DMXL2: variants seen among roughly 807,000 people sequenced by gnomAD.
DMXL2 encodes the protein dmX-like protein 2.
A neutral mutation model predicts 331.1 loss-of-function variants in DMXL2; 103 were observed. That is an observed-to-expected ratio of 0.31 (90% CI 0.27 to 0.37). The LOEUF (loss-of-function observed/expected upper bound fraction) is 0.37, where lower values mean the gene tolerates loss of function less well. DMXL2 is among the 10% of genes least tolerant of loss of function. DMXL2 has a pLI of 1.00. For synonymous variants in DMXL2, 1,281 were observed against 1,252.1 expected, an observed-to-expected ratio of 1.02 and a Z score of -0.49; for missense variants, 3,171 against 3,642.9, an observed-to-expected ratio of 0.87 and a Z score of 3.33.
At chr15:51,579,058 T>C (rs1005929508) in intron 1 of DMXL2, among the ~76,000 whole-genome samples, 5 of 152,102 alleles carry the variant, frequency 3.3e-5, no homozygotes, top group African/African-American at 4.8e-5. Flanking sequence ...TGAGCTATGA[T>C]TGCACCACTG....
Position 51,463,496 on chromosome 15 carries a change from C to T in DMXL2, c.7809G>A (p.Lys2603=). ...CTGGAAATGCAGAAGAATCCCGGGA[C>T]CTATTAAAAAAAATTAACATATCAC... ...AMLEPENTPF[K]SRDSSAFPVK... The change falls in exon 33 of 44, where the codon AAG becomes AAA. Residue 2603 remains lysine (K), a splice_region_variant and synonymous_variant. Transcript: ENST00000560891. 6.4e-7 allele frequency: 1 copy of T among 1,554,942 alleles called. No homozygotes were observed. The highest frequency in any genetic ancestry group is 8.7e-7 in the Non-Finnish European group (1 of 1,154,532).
intron 1 of DMXL2, among the ~76,000 whole-genome samples, chr15:51,619,065 A>G (rs917246059): frequency 2.6e-5 from 4 of 152,240 alleles, no homozygotes; most frequent in Non-Finnish European, 4.4e-5. Flanking sequence ...TAATATTTTA[A>G]TATGTGCAGT....
chr15:51,603,974 T>C (rs912614622), intron 1 of DMXL2, among the ~76,000 whole-genome samples: 6 of 150,928 alleles, frequency 4.0e-5, no homozygotes, highest in African/African-American at 1.5e-4. Context: ...TAATAAAAAA[T>C]ATTCTTAATG....
intron 1 of DMXL2, among the ~76,000 whole-genome samples, chr15:51,607,479 A>T (rs1231073056): frequency 6.6e-6 from 1 of 152,138 alleles, no homozygotes; most frequent in Non-Finnish European, 1.5e-5. Flanking sequence ...AGAAAAAAAA[A>T]GATAGAAAAC....
At chr15:51,578,000 G>A (rs531145802) in intron 1 of DMXL2, among the ~76,000 whole-genome samples, 2 of 152,094 alleles carry the variant, frequency 1.3e-5, no homozygotes, top group African/African-American at 2.4e-5. Context: ...GCAAGACATG[G>A]TCCCAGTTAC....
At chr15:51,527,275 G>T (rs1050341436) in intron 13 of DMXL2, among the ~76,000 whole-genome samples, 1 of 152,048 alleles carries the variant, frequency 6.6e-6, no homozygotes, top group South Asian at 2.1e-4. Context: ...ATTTACCCTA[G>T]AAGAGTGTAT....
chr15:51,611,228 A>G (rs921477088), intron 1 of DMXL2, among the ~76,000 whole-genome samples: 11 of 152,198 alleles, frequency 7.2e-5, no homozygotes, highest in Admixed American at 5.2e-4. Flanking sequence ...CCTTTGCTGA[A>G]GAAAAAGGGA....
chr15:51,614,842 T>C (rs1366640715), intron 1 of DMXL2, among the ~76,000 whole-genome samples: 1 of 152,210 alleles, frequency 6.6e-6, no homozygotes, highest in Non-Finnish European at 1.5e-5. Context: ...ATTTTATTTG[T>C]ATTTTAACAG....
chr15:51,545,507 T>C (rs1162319372), intron 8 of DMXL2, 76 bp downstream of exon 8: 3 of 1,313,074 alleles, frequency 2.3e-6, no homozygotes, highest in Non-Finnish European at 3.2e-6. Context: ...GTGTGCCATC[T>C]GCATGTTAGT....
At chr15:51,511,213 A>G (rs111300857) in intron 15 of DMXL2, among the ~76,000 whole-genome samples, 1,770 of 152,340 alleles carry the variant, frequency 0.012, 34 homozygotes, top group African/African-American at 0.041. Flanking sequence ...TAAACTAAAG[A>G]GCTTCTGCAC....
At chr15:51,594,221 G>T (rs571740485) in intron 1 of DMXL2, among the ~76,000 whole-genome samples, 145 of 152,258 alleles carry the variant, frequency 9.5e-4, no homozygotes, top group Non-Finnish European at 1.8e-3. Context: ...AACAAAAAAT[G>T]ATAAAGGGGA....
At chr15:51,614,606 C>T (rs1049278548) in intron 1 of DMXL2, among the ~76,000 whole-genome samples, 3 of 152,054 alleles carry the variant, frequency 2.0e-5, no homozygotes, top group Admixed American at 6.6e-5. Context: ...CTGACCTATA[C>T]CAAGAAGTAT....
intron 1 of DMXL2, among the ~76,000 whole-genome samples, chr15:51,602,429 G>C (rs533514692): frequency 6.6e-6 from 1 of 151,940 alleles, no homozygotes; most frequent in African/African-American, 2.4e-5. Flanking sequence ...GTGGATCCAC[G>C]TTGCTCTTTT....
chr15:51,450,529 CA>C (rs2039041233), intron 42 of DMXL2, 183 bp from the exon 43 acceptor site: 4 of 620,694 alleles, frequency 6.4e-6, no homozygotes, highest in Admixed American at 3.0e-5. Flanking sequence ...TAAGCAATGT[CA>C]GAACAAACTT....
At chr15:51,590,490 T>C (rs1236081204) in intron 1 of DMXL2, among the ~76,000 whole-genome samples, 1 of 152,224 alleles carries the variant, frequency 6.6e-6, no homozygotes, top group African/African-American at 2.4e-5. Flanking sequence ...GGAAGATTTG[T>C]CTACTATTCT....
In DMXL2 at chr15:51,516,945, T is replaced by C. The variant is rs2047069013; in HGVS notation, c.2526+133A>G. On this transcript the variant is annotated intron_variant, in intron 14 of 43. Transcript: ENST00000560891. The stretch of plus-strand genomic sequence containing the variant: ...CTAAATCATTAGTAGATTTTCACTA[T>C]GGGAATCAACATAAGTTGTCTGCAT... 7.0e-6 allele frequency: 5 copies of C among 718,296 alleles called. No homozygotes were observed. The Admixed American group carries it at 9.3e-5, about 13-fold the overall frequency. 44.5% of individuals were successfully genotyped at this position (718,296 alleles called of 1,614,324 possible). A position where few individuals can be genotyped will look rare whatever the true frequency, so the allele number is the denominator to read the frequency against.
At chr15:51,612,446 C>A (rs1367870641) in intron 1 of DMXL2, among the ~76,000 whole-genome samples, 1 of 152,034 alleles carries the variant, frequency 6.6e-6, no homozygotes, top group Non-Finnish European at 1.5e-5. Context: ...TAAGTGTCGG[C>A]CAGTCTGGGA....
chr15:51,609,530 C>T (rs1452385106), intron 1 of DMXL2, among the ~76,000 whole-genome samples: 2 of 152,210 alleles, frequency 1.3e-5, no homozygotes, highest in Non-Finnish European at 2.9e-5. Context: ...AATACCAATG[C>T]AGTACAACTG....
intron 13 of DMXL2, among the ~76,000 whole-genome samples, chr15:51,527,607 A>G (rs1420618030): frequency 6.7e-6 from 1 of 149,622 alleles, no homozygotes; most frequent in Non-Finnish European, 1.5e-5. Flanking sequence ...TGTGCGAGTG[A>G]GCTACTCGGG....
Sources: allele counts gnomAD v4.1 joint callset (sites outside exome capture counted in the v4.1 genomes callset), GRCh38; gene constraint gnomAD v4.1.1; transcripts MANE v1.5; gene names NCBI Gene and HGNC (gene_info 2026-07-23, HGNC 2026-07-21).